SMAD2: variants seen among roughly 807,000 people sequenced by gnomAD.
SMAD2 encodes the protein SMAD family member 2.
SMAD2 carries 8 observed loss-of-function variants against 64.4 expected under a neutral mutation model. The ratio of observed to expected loss-of-function variants is 0.12; its 90% CI spans 0.07 to 0.22. The LOEUF (loss-of-function observed/expected upper bound fraction) is 0.22. Among genes scored for constraint, SMAD2 ranks in the 10% least tolerant of loss-of-function variants. SMAD2 has a pLI of 1.00. For missense variants in SMAD2, 289 were observed against 561.2 expected, an observed-to-expected ratio of 0.51 and a Z score of 4.90; for synonymous variants, 203 against 195.8, an observed-to-expected ratio of 1.04 and a Z score of -0.31.
At position 47,869,385 on chromosome 18, in the gene SMAD2, A is replaced by G. The variant is rs770867592; in HGVS notation, c.378T>C (p.Val126=). ...QVSHRKGLPH[V]IYCRLWRWPD... ...GCCAGCGCCATAATCGGCAATATAT[A>G]ACATGTGGCAATCCTTTTCGATGGG... is the stretch of plus-strand genomic sequence containing the variant. Residue 126 remains valine (V), a synonymous_variant, in exon 4 of 11, where the codon GTT becomes GTC. Coordinates refer to ENST00000262160, the MANE Select transcript of SMAD2 (RefSeq NM_005901.6). The G allele has an allele frequency of 6.2e-7, 1 of 1,613,682 alleles. No individual in the cohort carries two copies. The highest frequency in any genetic ancestry group is 2.2e-5 in the East Asian group (1 of 44,858).
rs1294912979 is a variant in SMAD2, at chr18:47,832,443, A to G, written c.*9384T>C. On this transcript the variant is annotated 3_prime_UTR_variant, in exon 11 of 11. Coordinates refer to ENST00000262160, the MANE Select transcript of SMAD2 (RefSeq NM_005901.6). Reference sequence around the variant, plus strand: ...AAAAAAGTGTTGATAAAACTACACCAGTCCCAAGGCTATTCAATGCCACGT... The same window carrying G: ...AAAAAAGTGTTGATAAAACTACACCGGTCCCAAGGCTATTCAATGCCACGT... The G allele has an allele frequency of 1.3e-5, 2 of 152,238 alleles. No homozygotes were observed. The highest frequency in any genetic ancestry group is 2.9e-5 in the Non-Finnish European group (2 of 68,044). The allele number at this position is 152,238 out of a possible 1,614,324, so 9.4% of individuals were successfully genotyped here.
chr18:47,919,468 ATACACACACACACACACAC>A (rs1453371780), intron 1 of SMAD2, among the ~76,000 whole-genome samples: 2 of 77,352 alleles, frequency 2.6e-5, no homozygotes, highest in African/African-American at 5.3e-5. Context: ...AAAAAAAAAA[ATACACACACACACACACAC>A]ACACACACAC....
chr18:47,871,493 C>T (rs2031928631), intron 2 of SMAD2, among the ~76,000 whole-genome samples: 1 of 152,180 alleles, frequency 6.6e-6, no homozygotes, highest in Non-Finnish European at 1.5e-5. Context: ...CTTCCTGTGG[C>T]CAGGCAACAG....
At position 47,823,495 on chromosome 18, in the gene SMAD2, C is replaced by A. The variant is rs1383072847; in HGVS notation, c.*18332G>T. 1.3e-5 allele frequency: 2 copies of A among 152,098 alleles called. No homozygotes were observed. Among genetic ancestry groups the A allele is most frequent in the Non-Finnish European group, 2.9e-5 (2 of 68,036 alleles). The allele number at this position is 152,098 out of a possible 1,614,324, so 9.4% of individuals were successfully genotyped here. ...CCTCCTAATTTCCTTCAATATTTGG[C>A]TATGACTCTCTAAGAAAAAAAACTA... is the stretch of plus-strand genomic sequence containing the variant. On this transcript the variant is annotated 3_prime_UTR_variant, in exon 11 of 11. Coordinates refer to ENST00000262160, the MANE Select transcript of SMAD2 (RefSeq NM_005901.6).
At chr18:47,924,563 G>A (rs966577328) in intron 1 of SMAD2, among the ~76,000 whole-genome samples, 1 of 151,686 alleles carries the variant, frequency 6.6e-6, no homozygotes. Flanking sequence ...CCCGGTTCAA[G>A]CAAGTCTCCT....
At chr18:47,891,603 T>C (rs905829685) in intron 2 of SMAD2, among the ~76,000 whole-genome samples, 4 of 151,862 alleles carry the variant, frequency 2.6e-5, no homozygotes, top group African/African-American at 9.7e-5. Context: ...CACTGCACAC[T>C]AGCCTGGAAT....
intron 2 of SMAD2, among the ~76,000 whole-genome samples, chr18:47,887,394 G>A (rs528803273): frequency 2.9e-4 from 44 of 152,268 alleles, no homozygotes; most frequent in African/African-American, 1.0e-3. Context: ...AAAGGGGCAC[G>A]ATCTTAAGTG....
In SMAD2 at chr18:47,833,409, A is replaced by C. The variant is rs947231319; in HGVS notation, c.*8418T>G. The C allele has an allele frequency of 3.1e-5, 7 of 224,718 alleles. No homozygotes were observed. The highest frequency in any genetic ancestry group is 6.2e-5 in the Non-Finnish European group (7 of 112,522). The allele number at this position is 224,718 out of a possible 1,614,324, so 13.9% of individuals were successfully genotyped here. On this transcript the variant is annotated 3_prime_UTR_variant, in exon 11 of 11. Coordinates refer to ENST00000262160, the MANE Select transcript of SMAD2 (RefSeq NM_005901.6). ...AAGCCTCAGCTCATTGTTTAATAAA[A>C]ATAAAAAAGGAACCACATCGTACTT...
At chr18:47,868,594 T>C in intron 4 of SMAD2, 137 bp from the exon 5 acceptor site, 1 of 674,468 alleles carries the variant, frequency 1.5e-6, no homozygotes, top group South Asian at 1.7e-5. Flanking sequence ...TATATACTAG[T>C]TACTGAGAAA....
Position 47,879,402 on chromosome 18 carries a change from A to C in SMAD2, c.237-8838T>G, listed in dbSNP as rs115422631. On this transcript the variant is annotated intron_variant, in intron 2 of 10. Transcript: ENST00000262160. ...TCACCATAGGTGTCGTGTCTTCTGG[A>C]AAGTCTATGTATGAATGGAATATGG... Among the ~76,000 whole-genome samples, 131 of 152,070 alleles carry C rather than the reference A, an allele frequency of 8.6e-4. 1 individual carries two copies. The highest frequency in any genetic ancestry group is 3.0e-3 in the African/African-American group (126 of 41,498).
rs148563641 is a variant in SMAD2, at chr18:47,817,022, A to C, written c.*24805T>G. On this transcript the variant is annotated 3_prime_UTR_variant, in exon 11 of 11. Transcript: ENST00000262160. ...GTGATCGGCCCACCTCAGCCTCCCA[A>C]AGTGCTGGGATTACAGGCATAAGCC... The C allele has an allele frequency of 4.1e-3, 622 of 152,238 alleles. 5 individuals carry two copies. The highest frequency in any genetic ancestry group is 0.014 in the African/African-American group (575 of 41,516). The allele number at this position is 152,238 out of a possible 1,614,324, so 9.4% of individuals were successfully genotyped here. A position where few individuals can be genotyped will look rare whatever the true frequency, so the allele number is the denominator to read the frequency against.
intron 1 of SMAD2, among the ~76,000 whole-genome samples, chr18:47,918,098 T>C (rs891723331): frequency 9.2e-5 from 14 of 152,282 alleles, no homozygotes; most frequent in African/African-American, 3.1e-4. Context: ...GAATAATAGG[T>C]AGCACTTGTT....
intron 10 of SMAD2, among the ~76,000 whole-genome samples, chr18:47,843,641 CCCACATAT>C (rs1914191543): frequency 1.3e-5 from 2 of 152,190 alleles, no homozygotes; most frequent in Admixed American, 1.3e-4. Flanking sequence ...CTGGTAGCTA[CCCACATAT>C]CCACAGATAG....
intron 2 of SMAD2, among the ~76,000 whole-genome samples, chr18:47,871,564 G>A (rs911186384): frequency 1.3e-5 from 2 of 152,158 alleles, no homozygotes; most frequent in African/African-American, 4.8e-5. Context: ...TCAGGCTGCA[G>A]GAACACATCA....
Position 47,828,427 on chromosome 18 carries a change from G to A in SMAD2, c.*13400C>T, listed in dbSNP as rs1413440982. ...TCTGCCCGGCCGCCACCCTGTCTGG[G>A]AGGTGTACCCAACAGCTCATTGAGA... On this transcript the variant is annotated 3_prime_UTR_variant, in exon 11 of 11. Coordinates refer to ENST00000262160, the MANE Select transcript of SMAD2 (RefSeq NM_005901.6). 1 of 162,934 alleles carries A rather than the reference G, an allele frequency of 6.1e-6. No individual in the cohort carries two copies. The highest frequency in any genetic ancestry group is 1.3e-5 in the Non-Finnish European group (1 of 76,916). 10.1% of individuals were successfully genotyped at this position (162,934 alleles called of 1,614,324 possible). A position where few individuals can be genotyped will look rare whatever the true frequency, so the allele number is the denominator to read the frequency against.
chr18:47,850,538 TTA>T lies in SMAD2; in HGVS notation c.784+734_784+735del, dbSNP rs1334569810. 5.8e-4 allele frequency among the ~76,000 whole-genome samples: 8 copies of T among 13,806 alleles called. No individual in the cohort carries two copies. In the South Asian group the frequency reaches 0.01, roughly 18 times the overall value. The allele number at this position is 13,806 out of a possible 152,430, so 9.1% of individuals were successfully genotyped here. ...TAATATATATTATGTATAATATATGTTATATATATAATATATATTATGTATAA... is the reference window on the plus strand; with the variant it reads ...TAATATATATTATGTATAATATATGTTATATATAATATATATTATGTATAA... On this transcript the variant is annotated intron_variant, in intron 7 of 10. Coordinates refer to ENST00000262160, the MANE Select transcript of SMAD2 (RefSeq NM_005901.6).
At chr18:47,929,732 G>C (rs1026908200) in intron 1 of SMAD2, among the ~76,000 whole-genome samples, 1 of 152,264 alleles carries the variant, frequency 6.6e-6, no homozygotes, top group East Asian at 1.9e-4. Flanking sequence ...AAAGACAAAA[G>C]TACCTGACCC....
At chr18:47,886,567 A>T (rs1370065213) in intron 2 of SMAD2, among the ~76,000 whole-genome samples, 1 of 127,170 alleles carries the variant, frequency 7.9e-6, no homozygotes, top group African/African-American at 3.2e-5. Context: ...ATCTATATCT[A>T]TCCATCTATC....
Position 47,812,731 on chromosome 18 carries a change from C to T in SMAD2, c.*29096G>A, listed in dbSNP as rs1912244249. The T allele has an allele frequency of 6.6e-6, 1 of 152,170 alleles. No individual in the cohort carries two copies. The highest frequency in any genetic ancestry group is 2.1e-4 in the South Asian group (1 of 4,822). The allele number at this position is 152,170 out of a possible 1,614,324, so 9.4% of individuals were successfully genotyped here. A position where few individuals can be genotyped will look rare whatever the true frequency, so the allele number is the denominator to read the frequency against. On this transcript the variant is annotated 3_prime_UTR_variant, in exon 11 of 11. Transcript: ENST00000262160. ...TAAGTGGTGGTAATCAAATCTAAAGCACATTTTATAGCACACACACTCGCT... is the reference window on the plus strand; with the variant it reads ...TAAGTGGTGGTAATCAAATCTAAAGTACATTTTATAGCACACACACTCGCT...
Sources: gnomAD v4.1 joint callset for allele counts (sites outside exome capture counted in the v4.1 genomes callset) on GRCh38, gnomAD v4.1.1 for gene constraint, MANE v1.5 for transcripts, NCBI Gene and HGNC (gene_info 2026-07-23, HGNC 2026-07-21) for gene names.